WWOX: variants seen among roughly 807,000 people sequenced by gnomAD.
WWOX encodes the protein WW domain containing oxidoreductase, also known as WW domain-containing oxidoreductase.
Under a neutral mutation model 46.2 loss-of-function variants are expected in WWOX, and 69 were observed. That is an observed-to-expected ratio of 1.49 (90% confidence interval 1.23 to 1.82). WWOX has a LOEUF of 1.82. WWOX is among the 40% of genes most tolerant of loss of function. The probability of loss-of-function intolerance (pLI) is 0.00; values close to 1 mark genes in which losing one functional copy is unlikely to be tolerated. For missense variants in WWOX, 919 were observed against 542.6 expected (o/e 1.69, Z -6.89); for synonymous variants, 359 against 202.6 (o/e 1.77, Z -6.56).
intron 8 of WWOX, among the ~76,000 whole-genome samples, chr16:78,737,481 G>C (rs1310850109): frequency 2.0e-5 from 3 of 151,894 alleles, no homozygotes; most frequent in Admixed American, 6.6e-5. Flanking sequence ...GTGGTGTTTG[G>C]TTACATGAAT....
intron 8 of WWOX, among the ~76,000 whole-genome samples, chr16:79,088,890 C>T (rs891818005): frequency 2.0e-5 from 3 of 152,170 alleles, no homozygotes; most frequent in African/African-American, 4.8e-5. Flanking sequence ...TATTGATCAC[C>T]TCTTTTCCAA....
rs1203774578 is a variant in WWOX, at chr16:78,340,026, G to T, written c.517-46834G>T. ...CTTTCCATGGATTTGGTGGGGGGGG[G>T]GGGGACGTTTCTATTTCCTTTATGT... On this transcript the variant is annotated intron_variant, in intron 5 of 8. Transcript: ENST00000566780. Among the ~76,000 whole-genome samples, 23 of 44,372 alleles carry T rather than the reference G, an allele frequency of 5.2e-4. 9 individuals are homozygous for T. Among genetic ancestry groups the T allele is most frequent in the Non-Finnish European group, 1.2e-3 (21 of 17,910 alleles). 29.1% of individuals were successfully genotyped at this position (44,372 alleles called of 152,430 possible).
At chr16:78,339,844 A>G (rs2080973040) in intron 5 of WWOX, among the ~76,000 whole-genome samples, 1 of 116,934 alleles carries the variant, frequency 8.6e-6, no homozygotes, top group Non-Finnish European at 2.0e-5. Flanking sequence ...AATGGGAGGC[A>G]TATCATCAAC....
chr16:78,886,588 T>C (rs965301321), intron 8 of WWOX, among the ~76,000 whole-genome samples: 4 of 150,748 alleles, frequency 2.7e-5, no homozygotes, highest in African/African-American at 7.3e-5. Flanking sequence ...CACATTGATA[T>C]GTATTGTCCA....
chr16:78,857,618 A>T (rs573938551), intron 8 of WWOX, among the ~76,000 whole-genome samples: 79 of 152,294 alleles, frequency 5.2e-4, no homozygotes, highest in Middle Eastern at 6.8e-3. Flanking sequence ...TTTTGTATCT[A>T]GCCTAACATT....
At chr16:78,676,130 C>G (rs2047592973) in intron 8 of WWOX, among the ~76,000 whole-genome samples, 1 of 151,466 alleles carries the variant, frequency 6.6e-6, no homozygotes, top group Non-Finnish European at 1.5e-5. Flanking sequence ...GACAACCAGA[C>G]TGAGAGCCCC....
At chr16:78,509,731 T>C (rs2085311262) in intron 8 of WWOX, among the ~76,000 whole-genome samples, 1 of 152,130 alleles carries the variant, frequency 6.6e-6, no homozygotes, top group South Asian at 2.1e-4. Context: ...ACTTAGAAAG[T>C]GATTGCAATG....
At chr16:79,109,126 T>G (rs1050251812) in intron 8 of WWOX, among the ~76,000 whole-genome samples, 2 of 152,020 alleles carry the variant, frequency 1.3e-5, no homozygotes, top group Non-Finnish European at 2.9e-5. Flanking sequence ...TGACAATAAA[T>G]GAGAACAATA....
intron 8 of WWOX, among the ~76,000 whole-genome samples, chr16:79,100,036 T>G (rs2049159720): frequency 6.6e-6 from 1 of 152,204 alleles, no homozygotes; most frequent in Non-Finnish European, 1.5e-5. Flanking sequence ...TCTCTTAAAA[T>G]CTTCCAAATG....
chr16:78,949,092 A>C (rs1190726521), intron 8 of WWOX, among the ~76,000 whole-genome samples: 2 of 152,296 alleles, frequency 1.3e-5, no homozygotes, highest in East Asian at 3.9e-4. Context: ...AATAGCATGG[A>C]AAACGGGGAC....
At chr16:78,619,772 G>A (rs781254241) in intron 8 of WWOX, among the ~76,000 whole-genome samples, 1 of 151,994 alleles carries the variant, frequency 6.6e-6, no homozygotes, top group Non-Finnish European at 1.5e-5. Context: ...AATGAGACAT[G>A]GGGGTGCATG....
chr16:78,164,814 C>T (rs772298717), intron 5 of WWOX, among the ~76,000 whole-genome samples: 19 of 152,106 alleles, frequency 1.2e-4, no homozygotes, highest in Non-Finnish European at 2.2e-4. Flanking sequence ...AAAAATAGAC[C>T]ATAATCAAGT....
chr16:79,095,127 C>G (rs888928982), intron 8 of WWOX, among the ~76,000 whole-genome samples: 3 of 152,200 alleles, frequency 2.0e-5, no homozygotes, highest in Non-Finnish European at 4.4e-5. Flanking sequence ...CTCTAAAAGG[C>G]TTCCCAATGC....
At chr16:78,863,511 T>C (rs1874997999) in intron 8 of WWOX, among the ~76,000 whole-genome samples, 1 of 152,184 alleles carries the variant, frequency 6.6e-6, no homozygotes, top group Non-Finnish European at 1.5e-5. Context: ...CCTGCTGATT[T>C]AGTGTCACAG....
intron 8 of WWOX, among the ~76,000 whole-genome samples, chr16:78,609,567 C>G (rs1057457525): frequency 5.3e-5 from 8 of 149,628 alleles, no homozygotes; most frequent in Admixed American, 2.7e-4. Context: ...TTCCCAGACT[C>G]CTCATACCCC....
intron 4 of WWOX, among the ~76,000 whole-genome samples, chr16:78,162,338 T>C (rs1236659017): frequency 6.6e-6 from 1 of 152,218 alleles, no homozygotes. Flanking sequence ...TAAAACTATC[T>C]GCAGTTTTTA....
chr16:78,851,358 A>G (rs1021443153), intron 8 of WWOX, among the ~76,000 whole-genome samples: 1 of 152,228 alleles, frequency 6.6e-6, no homozygotes, highest in African/African-American at 2.4e-5. Flanking sequence ...GAATTTTCTT[A>G]TAGGTGGAAC....
At chr16:78,432,806 A>T (rs1006630182) in intron 8 of WWOX, 54 bp downstream of exon 8, 1 of 1,612,922 alleles carries the variant, frequency 6.2e-7, no homozygotes, top group African/African-American at 1.3e-5. Flanking sequence ...AGAAACCTGC[A>T]CACTTGTGTC....
At chr16:79,170,481 G>A (rs1172958069) in intron 8 of WWOX, among the ~76,000 whole-genome samples, 2 of 152,080 alleles carry the variant, frequency 1.3e-5, no homozygotes, top group African/African-American at 2.4e-5. Context: ...GATTAAAAAT[G>A]GTACCACTCT....
Sources: allele counts gnomAD v4.1 joint callset (sites outside exome capture counted in the v4.1 genomes callset), GRCh38; gene constraint gnomAD v4.1.1; transcripts MANE v1.5; gene names NCBI Gene and HGNC (gene_info 2026-07-23, HGNC 2026-07-21).